PPP1R9A: variants seen among roughly 807,000 people sequenced by gnomAD.
PPP1R9A encodes neurabin-1.
In PPP1R9A, 59 loss-of-function variants were observed where a neutral mutation model predicts 141.9. The observed-to-expected ratio is 0.42, with a 90% confidence interval of 0.34 to 0.52. The LOEUF (loss-of-function observed/expected upper bound fraction) is 0.52, where lower values mean the gene tolerates loss of function less well. PPP1R9A is among the 20% of genes least tolerant of loss of function. The pLI is 0.10. For missense variants in PPP1R9A, 1,444 were observed against 1,611.9 expected, an observed-to-expected ratio of 0.90 and a Z score of 1.78; for synonymous variants, 500 against 569.7, an observed-to-expected ratio of 0.88 and a Z score of 1.74.
At chr7:94,988,529 A>T (rs1801123437) in intron 2 of PPP1R9A, among the ~76,000 whole-genome samples, 1 of 152,082 alleles carries the variant, frequency 6.6e-6, no homozygotes, top group Non-Finnish European at 1.5e-5. Flanking sequence ...ATTAGATCTG[A>T]AAACTAGGCT....
At chr7:95,094,724 A>G (rs1011616369) in intron 2 of PPP1R9A, among the ~76,000 whole-genome samples, 19 of 151,960 alleles carry the variant, frequency 1.3e-4, no homozygotes, top group Admixed American at 1.0e-3. Flanking sequence ...TACTAAAAAT[A>G]CAAAAATTAG....
At chr7:95,099,384 A>G (rs185729567) in intron 2 of PPP1R9A, among the ~76,000 whole-genome samples, 72 of 152,312 alleles carry the variant, frequency 4.7e-4, no homozygotes, top group African/African-American at 1.7e-3. Context: ...GTCAGTTAGC[A>G]AAACATACGT....
intron 2 of PPP1R9A, among the ~76,000 whole-genome samples, chr7:95,064,180 C>G (rs1179756051): frequency 1.3e-5 from 2 of 152,092 alleles, no homozygotes; most frequent in Admixed American, 1.3e-4. Flanking sequence ...GGCATTAGGT[C>G]CCTGCCAGCC....
intron 5 of PPP1R9A, among the ~76,000 whole-genome samples, chr7:95,197,841 A>T (rs1836513348): frequency 6.6e-6 from 1 of 151,710 alleles, no homozygotes; most frequent in Non-Finnish European, 1.5e-5. Flanking sequence ...TAGAGACGGG[A>T]TTTTGCCTTC....
chr7:95,246,723 A>G (rs893452217), intron 8 of PPP1R9A, among the ~76,000 whole-genome samples: 1 of 152,054 alleles, frequency 6.6e-6, no homozygotes, highest in Non-Finnish European at 1.5e-5. Flanking sequence ...GGGAGTATTT[A>G]TTGATCCCCT....
chr7:94,922,215 A>G (rs1457779303), intron 2 of PPP1R9A, among the ~76,000 whole-genome samples: 1 of 151,852 alleles, frequency 6.6e-6, no homozygotes, highest in Non-Finnish European at 1.5e-5. Context: ...CGGAATTGTT[A>G]TTCAGAAAGG....
In PPP1R9A at chr7:95,120,132, A is replaced by G. The variant is rs567509639; in HGVS notation, c.1529-580A>G. On this transcript the variant is annotated intron_variant, in intron 3 of 19. Coordinates refer to ENST00000433360, the MANE Select transcript of PPP1R9A (RefSeq NM_001166160.2). ...CCCCCACACCCGGCTAACTTTTTGT[A>G]TTTTTAGTAGAGACAGGCTTTCACC... is the stretch of plus-strand genomic sequence containing the variant. Among the ~76,000 whole-genome samples, 155 of 151,634 alleles carry G rather than the reference A, an allele frequency of 1.0e-3. 1 individual carries two copies. The highest frequency in any genetic ancestry group is 6.8e-3 in the Middle Eastern group (2 of 292).
chr7:95,220,153 T>A (rs1248946537), intron 7 of PPP1R9A, among the ~76,000 whole-genome samples: 3 of 151,854 alleles, frequency 2.0e-5, no homozygotes, highest in Non-Finnish European at 2.9e-5. Flanking sequence ...GACAAAAAAA[T>A]GGAAAGAGAG....
At chr7:94,967,275 A>G (rs925204581) in intron 2 of PPP1R9A, among the ~76,000 whole-genome samples, 3 of 151,674 alleles carry the variant, frequency 2.0e-5, no homozygotes, top group African/African-American at 7.3e-5. Flanking sequence ...TCCTGGATTC[A>G]TTGATTTTTT....
chr7:94,908,875 T>C (rs1333246656), intron 1 of PPP1R9A, among the ~76,000 whole-genome samples: 2 of 152,212 alleles, frequency 1.3e-5, no homozygotes, highest in Non-Finnish European at 2.9e-5. Context: ...GGAGCCGAGT[T>C]TGGAGACGGT....
chr7:95,181,658 CAT>C (rs1833845941), intron 5 of PPP1R9A, among the ~76,000 whole-genome samples: 1 of 133,432 alleles, frequency 7.5e-6, no homozygotes, highest in Non-Finnish European at 1.5e-5. Context: ...TATTCCGTCA[CAT>C]ATATATAGAA....
intron 4 of PPP1R9A, among the ~76,000 whole-genome samples, chr7:95,160,445 G>A (rs1178311836): frequency 2.6e-5 from 4 of 152,008 alleles, no homozygotes; most frequent in African/African-American, 7.2e-5. Context: ...ATAGGAATAT[G>A]TATGTTTGGT....
chr7:94,911,581 C>T (rs1791455083), intron 2 of PPP1R9A, 73 bp downstream of exon 2: 1 of 1,186,436 alleles, frequency 8.4e-7, no homozygotes, highest in African/African-American at 1.5e-5. Flanking sequence ...GTAGAATAGA[C>T]TTGACAACTA....
At chr7:95,242,535 A>G (rs1797596795) in intron 8 of PPP1R9A, among the ~76,000 whole-genome samples, 1 of 152,124 alleles carries the variant, frequency 6.6e-6, no homozygotes, top group Non-Finnish European at 1.5e-5. Flanking sequence ...TTTCTAGCAC[A>G]GTTATATTTG....
intron 4 of PPP1R9A, among the ~76,000 whole-genome samples, chr7:95,127,578 G>A (rs1463526445): frequency 1.3e-5 from 2 of 149,612 alleles, no homozygotes; most frequent in African/African-American, 2.5e-5. Context: ...GGTATATTGT[G>A]TCATGCTAAG....
intron 2 of PPP1R9A, among the ~76,000 whole-genome samples, chr7:94,976,538 C>T (rs939471930): frequency 2.0e-5 from 3 of 152,006 alleles, no homozygotes; most frequent in Non-Finnish European, 4.4e-5. Context: ...GACGGGGTTT[C>T]AGTGTGTTAG....
rs564189308 is a variant in PPP1R9A, at chr7:95,234,224, AG to A, written c.2112+8110del. Reference sequence around the variant, plus strand: ...AGAAAGGGCATCCAAATCAGTAAAGAGGAAGCCAAACTGTCACTGTTTGCTG... The same window carrying A: ...AGAAAGGGCATCCAAATCAGTAAAGAGAAGCCAAACTGTCACTGTTTGCTG... On this transcript the variant is annotated intron_variant, in intron 8 of 19. Transcript: ENST00000433360. Among the ~76,000 whole-genome samples, 4 of 152,326 alleles carry A rather than the reference AG, an allele frequency of 2.6e-5. No individual in the cohort carries two copies. The East Asian group carries it at 7.7e-4, about 29-fold the overall frequency.
chr7:95,122,076 A>G (rs1316129288), intron 4 of PPP1R9A, among the ~76,000 whole-genome samples: 1 of 151,872 alleles, frequency 6.6e-6, no homozygotes, highest in Non-Finnish European at 1.5e-5. Flanking sequence ...GTATCATTTG[A>G]CCATCTTATC....
At chr7:95,231,490 T>C (rs1027254450) in intron 8 of PPP1R9A, among the ~76,000 whole-genome samples, 9 of 152,138 alleles carry the variant, frequency 5.9e-5, no homozygotes, top group Non-Finnish European at 1.2e-4. Flanking sequence ...ATAGACCTTA[T>C]GATAGGCCAC....
Sources: allele counts gnomAD v4.1 joint callset (sites outside exome capture counted in the v4.1 genomes callset), GRCh38; gene constraint gnomAD v4.1.1; transcripts MANE v1.5; gene names NCBI Gene and HGNC (gene_info 2026-07-23, HGNC 2026-07-21).